The following NOL11 variants were observed in gnomAD, a reference collection of about 807,000 sequenced individuals.
NOL11 encodes nucleolar protein 11.
NOL11 carries 42 observed loss-of-function variants against 93.0 expected under a neutral mutation model. The observed-to-expected ratio is 0.45, with a 90% CI of 0.35 to 0.58. NOL11 has a LOEUF of 0.58. Ranked by LOEUF, NOL11 falls within the 20% of genes least tolerant of loss-of-function variation. The pLI, the probability that NOL11 is intolerant of heterozygous loss-of-function variation, is 0.00. For missense variants in NOL11, 775 were observed against 841.8 expected, an observed-to-expected ratio of 0.92 and a Z score of 0.98; for synonymous variants, 296 against 293.7, an observed-to-expected ratio of 1.01 and a Z score of -0.08.
intron 5 of NOL11, among the ~76,000 whole-genome samples, chr17:67,723,312 C>T (rs920845756): frequency 1.3e-5 from 2 of 148,660 alleles, no homozygotes; most frequent in African/African-American, 5.0e-5. Flanking sequence ...GCGCCTGGCG[C>T]AAAACCATTA....
Position 67,738,147 on chromosome 17 carries a change from A to C in NOL11, c.1555A>C (p.Thr519Pro). 6.2e-7 allele frequency: 1 copy of C among 1,611,638 alleles called. No individual in the cohort carries two copies. The highest frequency in any genetic ancestry group is 8.5e-7 in the Non-Finnish European group (1 of 1,178,348). ...LSIGDDSLQE[T>P]DVNMESVFDY... The stretch of plus-strand genomic sequence containing the variant: ...CATTGGTGATGACAGTCTTCAAGAA[A>C]CAGATGTTAATATGGAGTCAGTTTT... The change falls in exon 14 of 18, where the codon ACA (threonine) becomes CCA (proline). Residue 519 changes from threonine (T) to proline (P), a missense_variant. Coordinates refer to ENST00000253247, the MANE Select transcript of NOL11 (RefSeq NM_015462.5).
chr17:67,735,261 C>G (rs2055190533), intron 8 of NOL11, among the ~76,000 whole-genome samples: 2 of 152,022 alleles, frequency 1.3e-5, no homozygotes, highest in South Asian at 4.1e-4. Context: ...ACAAATAAAT[C>G]AAGGCAATAG....
At chr17:67,739,190 C>A (rs920356528) in intron 15 of NOL11, among the ~76,000 whole-genome samples, 180 bp downstream of exon 15, 1 of 152,160 alleles carries the variant, frequency 6.6e-6, no homozygotes, top group African/African-American at 2.4e-5. Flanking sequence ...GGGTGATAGA[C>A]CATGGCATAT....
chr17:67,731,762 G>A (rs1219649838), intron 7 of NOL11, among the ~76,000 whole-genome samples: 1 of 152,152 alleles, frequency 6.6e-6, no homozygotes, highest in African/African-American at 2.4e-5. Context: ...CTCTCCAGTT[G>A]TCCCAGCACC....
intron 16 of NOL11, 139 bp downstream of exon 16, chr17:67,739,747 A>T: frequency 1.7e-6 from 1 of 598,928 alleles, no homozygotes; most frequent in Non-Finnish European, 3.0e-6. Context: ...AAACCAAACC[A>T]CTGCAGCTAG....
At chr17:67,740,622 A>AG (rs967813854) in intron 16 of NOL11, 11 of 152,936 alleles carry the variant, frequency 7.2e-5, no homozygotes, top group Non-Finnish European at 1.3e-4. Context: ...AAAAAAAAAA[A>AG]AACTTATTTA....
intron 7 of NOL11, among the ~76,000 whole-genome samples, chr17:67,730,244 T>G (rs1342453623): frequency 6.6e-6 from 1 of 152,042 alleles, no homozygotes; most frequent in African/African-American, 2.4e-5. Flanking sequence ...CCAGTTTTTT[T>G]TGTTGTTTTT....
intron 5 of NOL11, among the ~76,000 whole-genome samples, chr17:67,723,457 C>G (rs1310362361): frequency 1.6e-5 from 2 of 124,154 alleles, no homozygotes; most frequent in Admixed American, 2.0e-4. Flanking sequence ...GGCACAATCT[C>G]GGCTCACTGC....
intron 1 of NOL11, chr17:67,719,117 G>C (rs892594057): frequency 6.6e-6 from 1 of 152,100 alleles, no homozygotes; most frequent in Admixed American, 6.5e-5. Context: ...TTAGAGGTTT[G>C]GCCGGACGCG....
At chr17:67,722,534 TG>T (rs2043225371) in intron 4 of NOL11, 45 bp from the exon 5 acceptor site, 1 of 1,550,058 alleles carries the variant, frequency 6.5e-7, no homozygotes, top group South Asian at 1.3e-5. Context: ...GTCTCCCAGC[TG>T]GTGATTTTTG....
Position 67,744,435 on chromosome 17 carries a change from A to T in NOL11, c.*576A>T, listed in dbSNP as rs1567807636. The T allele has an allele frequency of 6.6e-6, 1 of 152,240 alleles. No individual in the cohort carries two copies. Among genetic ancestry groups the T allele is most frequent in the Admixed American group, 6.5e-5 (1 of 15,286 alleles). 9.4% of individuals were successfully genotyped at this position (152,240 alleles called of 1,614,324 possible). On this transcript the variant is annotated 3_prime_UTR_variant, in exon 18 of 18. Coordinates refer to ENST00000253247, the MANE Select transcript of NOL11 (RefSeq NM_015462.5). ...TTTACAGAAAGAATCCTGATGGCTG[A>T]ATTTACCTTGCAGTAGTGAAAAGCT...
Position 67,724,627 on chromosome 17 carries a change from C to G in NOL11, c.664+434C>G, listed in dbSNP as rs115308943. On this transcript the variant is annotated intron_variant, in intron 6 of 17. Transcript: ENST00000253247. Reference sequence around the variant, plus strand: ...GATTACAGGTGTGAGTCACCTCGTGCGGCCCATGCCTTTGCTTTTTGTACT... The same window carrying G: ...GATTACAGGTGTGAGTCACCTCGTGGGGCCCATGCCTTTGCTTTTTGTACT... 5.2e-3 allele frequency among the ~76,000 whole-genome samples: 796 copies of G among 152,256 alleles called. 10 individuals are homozygous for G. Among genetic ancestry groups the G allele is most frequent in the African/African-American group, 0.018 (752 of 41,530 alleles).
intron 8 of NOL11, among the ~76,000 whole-genome samples, chr17:67,735,141 T>C (rs996585115): frequency 6.6e-6 from 1 of 152,336 alleles, no homozygotes. Context: ...CTGAACAGAC[T>C]GTGCACTTCC....
intron 1 of NOL11, 71 bp downstream of exon 1, chr17:67,718,159 A>G: frequency 1.3e-6 from 2 of 1,568,944 alleles, no homozygotes; most frequent in East Asian, 4.5e-5. Context: ...CTCGAGCTCA[A>G]GTTTCTCACA....
chr17:67,727,852 T>C (rs565521810), intron 7 of NOL11, among the ~76,000 whole-genome samples: 3 of 137,910 alleles, frequency 2.2e-5, no homozygotes, highest in Non-Finnish European at 4.5e-5. Context: ...ACCCAGAAGG[T>C]GGAGGTTGCA....
At chr17:67,732,163 G>A (rs2055159616) in intron 7 of NOL11, among the ~76,000 whole-genome samples, 2 of 152,008 alleles carry the variant, frequency 1.3e-5, no homozygotes, top group South Asian at 4.2e-4. Flanking sequence ...ATAACTTTTA[G>A]TGTACAATGC....
At chr17:67,743,411 A>T in intron 16 of NOL11, 68 bp from the exon 17 acceptor site, 1 of 672,296 alleles carries the variant, frequency 1.5e-6, no homozygotes, top group Non-Finnish European at 2.6e-6. Flanking sequence ...TTATTTATGG[A>T]CTTTGTAAAG....
Position 67,734,432 on chromosome 17 carries a change from G to GT in NOL11, c.924dup (p.Gly309TrpfsTer26). On this transcript the variant is annotated frameshift_variant, in exon 8 of 18. Transcript: ENST00000253247. LOFTEE classifies it high-confidence loss of function. ...TCAAAAGAGTTACCACAAGGGACCAGTGGTCAAGTAAGTTTTTTCACTTGA... is the reference window on the plus strand; with the variant it reads ...TCAAAAGAGTTACCACAAGGGACCAGTTGGTCAAGTAAGTTTTTTCACTTGA... 6.3e-7 allele frequency: 1 copy of GT among 1,599,960 alleles called. No homozygotes were observed. The highest frequency in any genetic ancestry group is 8.6e-7 in the Non-Finnish European group (1 of 1,167,968).
chr17:67,738,524 T>C lies in NOL11; in HGVS notation c.1763+169T>C, dbSNP rs966366291. The C allele has an allele frequency of 8.6e-6, 5 of 580,836 alleles. No homozygotes were observed. In the African/African-American group the frequency reaches 9.3e-5, roughly 11 times the overall value. The allele number at this position is 580,836 out of a possible 1,614,324, so 36.0% of individuals were successfully genotyped here. A position where few individuals can be genotyped will look rare whatever the true frequency, so the allele number is the denominator to read the frequency against. ...GTTCAATGCTACGTTAAGTAAGGTT[T>C]ACTTAAACCTGTTTAATTTAACTAG... On this transcript the variant is annotated intron_variant, in intron 14 of 17. Coordinates refer to ENST00000253247, the MANE Select transcript of NOL11 (RefSeq NM_015462.5).
Sources: gnomAD v4.1 joint callset for allele counts (sites outside exome capture counted in the v4.1 genomes callset) on GRCh38, gnomAD v4.1.1 for gene constraint, MANE v1.5 for transcripts, NCBI Gene and HGNC (gene_info 2026-07-23, HGNC 2026-07-21) for gene names.